CIITA: variants seen among roughly 807,000 people sequenced by gnomAD.
The protein encoded by CIITA is MHC class II transactivator.
CIITA carries 72 observed loss-of-function variants against 115.1 expected under a neutral mutation model. The observed-to-expected ratio is 0.63, with a 90% CI of 0.52 to 0.76. CIITA has a LOEUF of 0.76. Among genes scored for constraint, CIITA ranks in the 30% least tolerant of loss-of-function variants. CIITA has a pLI of 0.00. For missense variants in CIITA, 1,617 were observed against 1,463.8 expected, an observed-to-expected ratio of 1.10 and a Z score of -1.71; for synonymous variants, 763 against 635.6, an observed-to-expected ratio of 1.20 and a Z score of -3.02.
At chr16:10,918,802 C>T (rs1016381722) in intron 16 of CIITA, among the ~76,000 whole-genome samples, 1 of 152,230 alleles carries the variant, frequency 6.6e-6, no homozygotes, top group African/African-American at 2.4e-5. Flanking sequence ...AAATATTGCT[C>T]CTTTTCCCCC....
At chr16:10,873,905 C>A (rs1361463800), upstream of CIITA, among the ~76,000 whole-genome samples, 1 of 152,136 alleles carries the variant, frequency 6.6e-6, no homozygotes, top group Non-Finnish European at 1.5e-5. Flanking sequence ...CCCAAGCAGA[C>A]CTGGGCTCGG....
At chr16:10,895,840 T>C (rs1596500340) in intron 3 of CIITA, 76 bp downstream of exon 3, 5 of 1,400,876 alleles carry the variant, frequency 3.6e-6, no homozygotes, top group East Asian at 4.6e-5. Context: ...ATATCACCCA[T>C]TCATCATGAG....
chr16:10,887,465 G>T (rs1490184124), intron 1 of CIITA, among the ~76,000 whole-genome samples: 1 of 151,622 alleles, frequency 6.6e-6, no homozygotes, highest in African/African-American at 2.4e-5. Flanking sequence ...AGAAGTTCAT[G>T]GTCAAGAGTA....
chr16:10,906,389 A>G (rs1373528970), intron 10 of CIITA, 110 bp from the exon 11 acceptor site: 1 of 1,308,700 alleles, frequency 7.6e-7, no homozygotes, highest in Non-Finnish European at 1.1e-6. Flanking sequence ...AAACAAAAAA[A>G]CTGTGTGGGG....
At chr16:10,874,628 G>T (rs2035705717), upstream of CIITA, among the ~76,000 whole-genome samples, 2 of 152,224 alleles carry the variant, frequency 1.3e-5, no homozygotes, top group South Asian at 4.1e-4. Context: ...CACCGACACA[G>T]GCATGGTCAG....
chr16:10,870,584 G>C (rs1171925927), intron 1 of CIITA, among the ~76,000 whole-genome samples: 1 of 152,236 alleles, frequency 6.6e-6, no homozygotes, highest in African/African-American at 2.4e-5. Flanking sequence ...TAGGATGGGT[G>C]ATGATGGAAA....
At chr16:10,892,150 C>A (rs965650624) in intron 1 of CIITA, among the ~76,000 whole-genome samples, 1 of 151,894 alleles carries the variant, frequency 6.6e-6, no homozygotes, top group South Asian at 2.1e-4. Flanking sequence ...ATGGTGAAAC[C>A]CCATCTTTAC....
chr16:10,887,931 A>G (rs2037126942), intron 1 of CIITA, among the ~76,000 whole-genome samples: 1 of 152,158 alleles, frequency 6.6e-6, no homozygotes, highest in Admixed American at 6.6e-5. Flanking sequence ...GAAAACATCT[A>G]ATGAACTGGA....
At position 10,902,657 on chromosome 16, in the gene CIITA, G is replaced by C. The variant is rs1255410718; in HGVS notation, c.629-1G>C. 1 of 1,614,246 alleles carries C rather than the reference G, an allele frequency of 6.2e-7. No individual in the cohort carries two copies. Among genetic ancestry groups the C allele is most frequent in the East Asian group, 2.2e-5 (1 of 44,882 alleles). On this transcript the variant is annotated splice_acceptor_variant, in intron 7 of 19. Coordinates refer to ENST00000324288, the MANE Select transcript of CIITA (RefSeq NM_000246.4). LOFTEE classifies it high-confidence loss of function. The stretch of plus-strand genomic sequence containing the variant: ...CACCTCACTGCCTTTGTCTCTTGCA[G>C]TGCCTTTCTCCAGTTCCTCGTTGAG...
rs771723540 is a variant in CIITA, at chr16:10,925,735, C to T, written c.*1880C>T. On this transcript the variant is annotated 3_prime_UTR_variant, in exon 20 of 20. Transcript: ENST00000324288. Reference sequence around the variant, plus strand: ...ACACATACACACACACGCGTGCACACACCAGAGCCCACCTTGGCTCAAGTC... The same window carrying T: ...ACACATACACACACACGCGTGCACATACCAGAGCCCACCTTGGCTCAAGTC... 6.6e-6 allele frequency: 1 copy of T among 152,284 alleles called. No homozygotes were observed. The highest frequency in any genetic ancestry group is 1.5e-5 in the Non-Finnish European group (1 of 68,052). 9.4% of individuals were successfully genotyped at this position (152,284 alleles called of 1,614,324 possible).
At chr16:10,875,062 G>C (rs1035728407), upstream of CIITA, among the ~76,000 whole-genome samples, 1 of 151,774 alleles carries the variant, frequency 6.6e-6, no homozygotes, top group Non-Finnish European at 1.5e-5. Context: ...TCCACCTCCC[G>C]GGTTCATGTG....
At chr16:10,911,347 CTTCT>C (rs1258336465) in intron 13 of CIITA, among the ~76,000 whole-genome samples, 1 of 106,120 alleles carries the variant, frequency 9.4e-6, no homozygotes, top group Non-Finnish European at 1.8e-5. Context: ...TCCCCCTTTT[CTTCT>C]TTTTCTTTCT....
At chr16:10,885,453 A>G (rs907015467) in intron 1 of CIITA, among the ~76,000 whole-genome samples, 13 of 152,174 alleles carry the variant, frequency 8.5e-5, no homozygotes, top group Non-Finnish European at 1.3e-4. Flanking sequence ...TGAGCATTGC[A>G]GTGTTGCTAC....
At position 10,898,621 on chromosome 16, in the gene CIITA, C is replaced by G. The variant is rs1466307628; in HGVS notation, c.296-49C>G. The G allele has an allele frequency of 3.2e-6, 5 of 1,564,548 alleles. No individual in the cohort carries two copies. In the South Asian group the frequency reaches 5.8e-5, roughly 18 times the overall value. The stretch of plus-strand genomic sequence containing the variant: ...AGCCCAAGGCCTGGCACACAGTGGG[C>G]CTTCAGTTAGACCTTGTTGATTGAC... On this transcript the variant is annotated intron_variant, in intron 3 of 19. Transcript: ENST00000324288.
In CIITA at chr16:10,936,072, C is replaced by G. The variant is rs542498760; in HGVS notation, c.*12217C>G. On this transcript the variant is annotated 3_prime_UTR_variant, in exon 20 of 20. Transcript: ENST00000324288. ...GTGGTGGAATAATAACTCACTGCAG[C>G]CTTGAACTCCCGGACTCAAGCAATC... is the stretch of plus-strand genomic sequence containing the variant. 2 of 151,728 alleles carry G rather than the reference C, an allele frequency of 1.3e-5. No homozygotes were observed. Among genetic ancestry groups the G allele is most frequent in the Non-Finnish European group, 2.9e-5 (2 of 67,948 alleles). The allele number at this position is 151,728 out of a possible 1,614,324, so 9.4% of individuals were successfully genotyped here. A position where few individuals can be genotyped will look rare whatever the true frequency, so the allele number is the denominator to read the frequency against.
At chr16:10,918,300 C>G (rs969757673) in intron 15 of CIITA, 140 bp from the exon 16 acceptor site, 1 of 829,540 alleles carries the variant, frequency 1.2e-6, no homozygotes, top group East Asian at 2.4e-5. Flanking sequence ...CAGGACCTAA[C>G]AGTATCCTCC....
In CIITA at chr16:10,907,737, A is replaced by T; in HGVS notation, c.2245A>T (p.Asn749Tyr). Residue 749 changes from asparagine (N) to tyrosine (Y), a missense_variant, in exon 11 of 20, where the codon AAC becomes TAC. By Grantham distance (143) the Asn-to-Tyr change is moderately radical. Transcript: ENST00000324288. The surrounding 1 kb of genome is among the most constrained non-coding windows in gnomAD (Gnocchi z 5.0). The part of the protein sequence containing the change: ...LTPRKKRPYD[N>Y]WLEGVPRFLA... ...CCCAAGGAAGAAGAGGCCCTATGAC[A>T]ACTGGCTGGAGGGCGTGCCACGCTT... The T allele has an allele frequency of 6.2e-7, 1 of 1,614,218 alleles. No individual in the cohort carries two copies. The highest frequency in any genetic ancestry group is 8.5e-7 in the Non-Finnish European group (1 of 1,180,024).
rs759478896 is a variant in CIITA, at chr16:10,904,719, C to A, written c.938-25C>A. On this transcript the variant is annotated intron_variant, in intron 9 of 19. Coordinates refer to ENST00000324288, the MANE Select transcript of CIITA (RefSeq NM_000246.4). ...CCCAGGGGTAACCCTCACCCTAAAT[C>A]TGGCACCTGCTTCTCCATCTCCAGA... 5 of 1,614,062 alleles carry A rather than the reference C, an allele frequency of 3.1e-6. No individual in the cohort carries two copies. The East Asian group carries it at 1.1e-4, about 36-fold the overall frequency.
intron 3 of CIITA, among the ~76,000 whole-genome samples, chr16:10,898,417 C>T (rs528624971): frequency 5.3e-4 from 81 of 152,182 alleles, no homozygotes; most frequent in African/African-American, 1.9e-3. Flanking sequence ...TGCAGTAACT[C>T]TACCATTCTG....
Sources: allele counts gnomAD v4.1 joint callset (sites outside exome capture counted in the v4.1 genomes callset), GRCh38; gene constraint gnomAD v4.1.1; non-coding constraint Gnocchi (gnomAD v3.1); transcripts MANE v1.5; gene names NCBI Gene and HGNC (gene_info 2026-07-23, HGNC 2026-07-21).